SMARCA2: variants seen among roughly 807,000 people sequenced by gnomAD.
SMARCA2 encodes the protein SWI/SNF related BAF chromatin remodeling complex subunit ATPase 2.
A neutral mutation model predicts 199.8 loss-of-function variants in SMARCA2; 61 were observed. The observed-to-expected ratio is 0.31, with a 90% CI of 0.25 to 0.38. The LOEUF is 0.38. SMARCA2 is among the 10% of genes least tolerant of loss of function. The pLI is 1.00. For missense variants in SMARCA2, 1,344 were observed against 2,012.2 expected (o/e 0.67, Z 6.35); for synonymous variants, 935 against 732.0 (o/e 1.28, Z -4.48).
chr9:2,147,812 C>A (rs111853408), intron 27 of SMARCA2, among the ~76,000 whole-genome samples: 4,116 of 151,408 alleles, frequency 0.027, 197 homozygotes, highest in African/African-American at 0.095. Flanking sequence ...CGCACCATTG[C>A]ACTCCAGCCT....
In SMARCA2 at chr9:2,191,321, C is replaced by G; in HGVS notation, c.4650C>G (p.Asp1550Glu). ...ATAAAAAAGATGACAAAGGCCGGGACAAAGGGAAAGGCAAGAAAAGGCCAA... is the reference window on the plus strand; with the variant it reads ...ATAAAAAAGATGACAAAGGCCGGGAGAAAGGGAAAGGCAAGAAAAGGCCAA... ...KLNKKDDKGR[D>E]KGKGKKRPNR... Residue 1550 changes from aspartate (D) to glutamate (E), a missense_variant, in exon 33 of 34, where the codon GAC becomes GAG. Around this residue, in one of 18 missense-constraint regions of SMARCA2, gnomAD observed 155 missense variants for 121.1 expected, o/e 1.28. Coordinates refer to ENST00000349721, the MANE Select transcript of SMARCA2 (RefSeq NM_003070.5). The G allele has an allele frequency of 6.2e-7, 1 of 1,614,056 alleles. No individual in the cohort carries two copies. Among genetic ancestry groups the G allele is most frequent in the Non-Finnish European group, 8.5e-7 (1 of 1,180,000 alleles).
intron 4 of SMARCA2, chr9:2,045,813 C>A (rs926135784): frequency 3.0e-5 from 4 of 132,606 alleles, no homozygotes; most frequent in Admixed American, 7.6e-5. Flanking sequence ...GGGAAAAGAA[C>A]GATAACATCA....
intron 12 of SMARCA2, among the ~76,000 whole-genome samples, chr9:2,075,607 GC>G (rs1305234488): frequency 6.6e-6 from 1 of 152,196 alleles, no homozygotes; most frequent in Non-Finnish European, 1.5e-5. Context: ...CATATATGGG[GC>G]CATCCAAGTC....
Position 2,161,559 on chromosome 9 carries a change from T to C in SMARCA2, c.3982-127T>C. The C allele has an allele frequency of 1.5e-6, 1 of 663,356 alleles. No homozygotes were observed. The highest frequency in any genetic ancestry group is 2.6e-6 in the Non-Finnish European group (1 of 388,540). The allele number at this position is 663,356 out of a possible 1,614,324, so 41.1% of individuals were successfully genotyped here. A position where few individuals can be genotyped will look rare whatever the true frequency, so the allele number is the denominator to read the frequency against. On this transcript the variant is annotated intron_variant, in intron 27 of 33. Coordinates refer to ENST00000349721, the MANE Select transcript of SMARCA2 (RefSeq NM_003070.5). The surrounding 1 kb of genome is among the most constrained non-coding windows in gnomAD (Gnocchi z 4.7). ...TCCTCCACTGATTACTGTTAACTTT[T>C]ACTTTTTTTTGGTTAATTTCTTTCA...
chr9:2,150,894 T>C (rs1825030015), intron 27 of SMARCA2, among the ~76,000 whole-genome samples: 1 of 151,558 alleles, frequency 6.6e-6, no homozygotes, highest in African/African-American at 2.4e-5. Flanking sequence ...ATCTGTGTCT[T>C]AGCAGCCTTT....
chr9:2,192,541 T>C (rs898648560), intron 33 of SMARCA2, 163 bp from the exon 34 acceptor site: 2 of 679,088 alleles, frequency 2.9e-6, no homozygotes, highest in African/African-American at 3.6e-5. Flanking sequence ...TTAGAGACTG[T>C]CGATGCCTCT....
At chr9:2,023,744 A>C (rs1818704328) in intron 1 of SMARCA2, among the ~76,000 whole-genome samples, 1 of 152,188 alleles carries the variant, frequency 6.6e-6, no homozygotes, top group African/African-American at 2.4e-5. Context: ...CCCCATTAAG[A>C]ATAACAGTGC....
In SMARCA2 at chr9:2,029,285, T is replaced by G. The variant is rs1289332410; in HGVS notation, c.225+38T>G. 3 of 1,577,162 alleles carry G rather than the reference T, an allele frequency of 1.9e-6. No individual in the cohort carries two copies. In the East Asian group the frequency reaches 7.0e-5, roughly 37 times the overall value. ...TCTCCCATTCAAACTCAACTTCTGATAAGTGGATGGCTAATATTTCTGATA... is the reference window on the plus strand; with the variant it reads ...TCTCCCATTCAAACTCAACTTCTGAGAAGTGGATGGCTAATATTTCTGATA... On this transcript the variant is annotated intron_variant, in intron 2 of 33. Coordinates refer to ENST00000349721, the MANE Select transcript of SMARCA2 (RefSeq NM_003070.5).
At chr9:2,181,054 C>A (rs1048550245) in intron 29 of SMARCA2, among the ~76,000 whole-genome samples, 2 of 148,410 alleles carry the variant, frequency 1.3e-5, no homozygotes, top group Non-Finnish European at 3.0e-5. Context: ...AATAGTCAGC[C>A]AGTAGGTACG....
Position 2,170,344 on chromosome 9 carries a change from G to A in SMARCA2, c.4200-75G>A, listed in dbSNP as rs1399599760. 2 of 1,599,716 alleles carry A rather than the reference G, an allele frequency of 1.3e-6. No homozygotes were observed. The highest frequency in any genetic ancestry group is 1.7e-5 in the Admixed American group (1 of 59,066). On this transcript the variant is annotated intron_variant, in intron 28 of 33. Transcript: ENST00000349721. The surrounding 1 kb of genome is among the most constrained non-coding windows in gnomAD (Gnocchi z 4.7). ...GACTGAGGCTTGGCCAGGTCACCCA[G>A]CCTAGGAAGAAGGAGCCGGGCGGGG...
In SMARCA2 at chr9:2,017,251, G is replaced by A. The variant is rs1818394779; in HGVS notation, c.-37+1847G>A. On this transcript the variant is annotated intron_variant, in intron 1 of 33. Transcript: ENST00000349721. The surrounding 1 kb of genome is among the most constrained non-coding windows in gnomAD (Gnocchi z 8.8). Reference sequence around the variant, plus strand: ...GGGCTGCTTGGGGGGTGGGGTGGAGGGAAGTTGGACGTGGATCAGGCAGGA... The same window carrying A: ...GGGCTGCTTGGGGGGTGGGGTGGAGAGAAGTTGGACGTGGATCAGGCAGGA... The A allele has an allele frequency of 6.6e-6, 1 of 152,048 alleles. No homozygotes were observed. The highest frequency in any genetic ancestry group is 2.4e-5 in the African/African-American group (1 of 41,336). 9.4% of individuals were successfully genotyped at this position (152,048 alleles called of 1,614,324 possible).
chr9:2,186,109 C>G lies in SMARCA2; in HGVS notation c.4475C>G (p.Ser1492Cys). The G allele has an allele frequency of 1.2e-6, 2 of 1,613,864 alleles. No individual in the cohort carries two copies. Among genetic ancestry groups the G allele is most frequent in the Non-Finnish European group, 1.7e-6 (2 of 1,179,830 alleles). Residue 1492 changes from serine (S) to cysteine (C), a missense_variant, in exon 32 of 34, where the codon TCC becomes TGC. Physicochemically the swap from Ser to Cys is moderately radical, Grantham distance 112 (BLOSUM62 -1). Around this residue, in one of 18 missense-constraint regions of SMARCA2, gnomAD observed 155 missense variants for 121.1 expected, o/e 1.28. Transcript: ENST00000349721. ...TTGACCATTTAGATCTATGAAGACT[C>G]CATCGTCTTACAGTCAGTGTTTAAG... ...NLEGSQIYED[S>C]IVLQSVFKSA... is the part of the protein sequence containing the mutation.
Position 2,123,712 on chromosome 9 carries a change from T to A in SMARCA2, c.3763-7T>A. ...ACTTTCGGTGACCCTCTTATTAATG[T>A]CTCCAGCGGATGGACATGGACCGGC... On this transcript the variant is annotated splice_polypyrimidine_tract_variant and splice_region_variant and intron_variant, in intron 26 of 33. Transcript: ENST00000349721. The surrounding 1 kb of genome is among the most constrained non-coding windows in gnomAD (Gnocchi z 4.1). 6.2e-7 allele frequency: 1 copy of A among 1,613,380 alleles called. No homozygotes were observed. Among genetic ancestry groups the A allele is most frequent in the Non-Finnish European group, 8.5e-7 (1 of 1,179,556 alleles).
At position 2,068,256 on chromosome 9, in the gene SMARCA2, G is replaced by C. The variant is rs1427111176; in HGVS notation, c.1693-2162G>C. Among the ~76,000 whole-genome samples, 3 of 152,140 alleles carry C rather than the reference G, an allele frequency of 2.0e-5. No homozygotes were observed. In the East Asian group the frequency reaches 5.8e-4, roughly 29 times the overall value. On this transcript the variant is annotated intron_variant, in intron 9 of 33. Coordinates refer to ENST00000349721, the MANE Select transcript of SMARCA2 (RefSeq NM_003070.5). ...GTAGAGCCTGATGCTCTTTGAAGCT[G>C]ATCATTTCTTTTGAGCTTATAAATG...
Position 2,039,004 on chromosome 9 carries a change from T to C in SMARCA2, c.356-462T>C, listed in dbSNP as rs920521899. Among the ~76,000 whole-genome samples, 2 of 152,206 alleles carry C rather than the reference T, an allele frequency of 1.3e-5. No individual in the cohort carries two copies. Among genetic ancestry groups the C allele is most frequent in the African/African-American group, 4.8e-5 (2 of 41,452 alleles). Reference sequence around the variant, plus strand: ...TTCAGTACTGTCCCTTGGTTAGTGGTGAACAACAACCACTAACGGTTTACC... The same window carrying C: ...TTCAGTACTGTCCCTTGGTTAGTGGCGAACAACAACCACTAACGGTTTACC... On this transcript the variant is annotated intron_variant, in intron 3 of 33. Coordinates refer to ENST00000349721, the MANE Select transcript of SMARCA2 (RefSeq NM_003070.5). This position sits in a 1 kb window ranked among gnomAD's most constrained non-coding sequence, Gnocchi z 4.8.
chr9:2,063,130 C>T (rs935062909), intron 9 of SMARCA2, among the ~76,000 whole-genome samples: 4 of 152,046 alleles, frequency 2.6e-5, no homozygotes, highest in African/African-American at 7.2e-5. Context: ...AGGACTAAGT[C>T]GGAGGGGCTC....
At chr9:2,174,781 G>A (rs1216456319) in intron 29 of SMARCA2, among the ~76,000 whole-genome samples, 1 of 151,772 alleles carries the variant, frequency 6.6e-6, no homozygotes, top group East Asian at 1.9e-4. Context: ...TGAGGTGGGT[G>A]TGGTGGCATA....
At chr9:2,097,185 C>T (rs1022143674) in intron 20 of SMARCA2, 200 bp from the exon 21 acceptor site, 17 of 519,192 alleles carry the variant, frequency 3.3e-5, no homozygotes, top group East Asian at 2.4e-4. Context: ...TTTTTTGTAG[C>T]GTAAGTTAAT....
At position 2,191,596 on chromosome 9, in the gene SMARCA2, T is replaced by G. The variant is rs1016068549; in HGVS notation, c.4737+188T>G. 1.5e-5 allele frequency: 8 copies of G among 530,258 alleles called. No homozygotes were observed. The East Asian group carries it at 2.3e-4, about 15-fold the overall frequency. 32.8% of individuals were successfully genotyped at this position (530,258 alleles called of 1,614,324 possible). ...GATTTAGAACAAAGGATTGGGGGCT[T>G]TGTTTATTGCCTTTTTAATAGTCTT... On this transcript the variant is annotated intron_variant, in intron 33 of 33. Coordinates refer to ENST00000349721, the MANE Select transcript of SMARCA2 (RefSeq NM_003070.5).
Sources: gnomAD v4.1 joint callset for allele counts (sites outside exome capture counted in the v4.1 genomes callset) on GRCh38, gnomAD v4.1.1 for gene constraint, gnomAD v4.1.1 regional missense constraint, Gnocchi (gnomAD v3.1) non-coding constraint, MANE v1.5 for transcripts, NCBI Gene and HGNC (gene_info 2026-07-23, HGNC 2026-07-21) for gene names.